Variants in LAMA2 observed in about 807,000 individuals in gnomAD.
LAMA2 encodes the protein laminin subunit alpha 2.
A neutral mutation model predicts 364.8 loss-of-function variants in LAMA2; 269 were observed. That is an observed-to-expected ratio of 0.74 (90% CI 0.67 to 0.82). The LOEUF (loss-of-function observed/expected upper bound fraction) is 0.82. LAMA2 is among the 40% of genes least tolerant of loss of function. LAMA2 has a pLI of 0.00. For missense variants in LAMA2, 3,807 were observed against 3,873.2 expected, an observed-to-expected ratio of 0.98 and a Z score of 0.45; for synonymous variants, 1,379 against 1,370.6, an observed-to-expected ratio of 1.01 and a Z score of -0.14.
intron 22 of LAMA2, among the ~76,000 whole-genome samples, chr6:129,304,981 C>T (rs1773776280): frequency 6.6e-6 from 1 of 152,002 alleles, no homozygotes; most frequent in South Asian, 2.1e-4. Flanking sequence ...GGTCAATTAT[C>T]CTTAACGGTT....
At chr6:129,494,932 G>A (rs1353218012) in intron 58 of LAMA2, among the ~76,000 whole-genome samples, 2 of 152,086 alleles carry the variant, frequency 1.3e-5, no homozygotes. Flanking sequence ...TTTGACCTTG[G>A]ATCCTAATGT....
intron 4 of LAMA2, among the ~76,000 whole-genome samples, chr6:129,112,379 T>C (rs1462919424): frequency 6.6e-6 from 1 of 151,896 alleles, no homozygotes; most frequent in Non-Finnish European, 1.5e-5. Context: ...AGATAAACTT[T>C]TGTGTTGAAT....
chr6:128,953,097 T>C (rs966242579), intron 1 of LAMA2, among the ~76,000 whole-genome samples: 72 of 152,332 alleles, frequency 4.7e-4, no homozygotes, highest in African/African-American at 1.7e-3. Context: ...GGCCCAACCA[T>C]GTAGGAACAC....
intron 17 of LAMA2, among the ~76,000 whole-genome samples, chr6:129,273,335 G>A (rs1394431537): frequency 1.3e-5 from 2 of 152,170 alleles, no homozygotes; most frequent in Non-Finnish European, 2.9e-5. Context: ...TTTGAGGAAA[G>A]CAGAAGTATT....
rs1215415314 is a variant in LAMA2, at chr6:129,291,715, T to C, written c.2851T>C (p.Cys951Arg). 1 of 1,608,960 alleles carries C rather than the reference T, an allele frequency of 6.2e-7. No individual in the cohort carries two copies. The highest frequency in any genetic ancestry group is 8.5e-7 in the Non-Finnish European group (1 of 1,175,346). Residue 951 changes from cysteine (C) to arginine (R), a missense_variant, in exon 20 of 65, where the codon TGC becomes CGC. By Grantham distance (180) the Cys-to-Arg change is radical (BLOSUM62 -3). Coordinates refer to ENST00000421865, the MANE Select transcript of LAMA2 (RefSeq NM_000426.4). ...CGTTCAGGGTCAGAGATGTGACAAA[T>C]GCAAGGTAAGGAGTAGAGGCTGACC... ...ANVQGQRCDKCKAGTFGLQSA... is the reference protein window; with the variant it reads ...ANVQGQRCDKRKAGTFGLQSA...
At chr6:129,437,817 C>T (rs1338305134) in intron 41 of LAMA2, among the ~76,000 whole-genome samples, 1 of 151,946 alleles carries the variant, frequency 6.6e-6, no homozygotes, top group African/African-American at 2.4e-5. Context: ...CTTATATCAA[C>T]AGATTGGATC....
chr6:129,226,126 T>C (rs1420407489), intron 12 of LAMA2, among the ~76,000 whole-genome samples: 4 of 152,156 alleles, frequency 2.6e-5, no homozygotes, highest in Non-Finnish European at 4.4e-5. Flanking sequence ...GTTGGTTTAA[T>C]GTCTGTTTTA....
intron 34 of LAMA2, among the ~76,000 whole-genome samples, chr6:129,375,895 G>A (rs1778349887): frequency 6.6e-6 from 1 of 152,062 alleles, no homozygotes. Context: ...TTATCCGCCA[G>A]TATATGCCCA....
At chr6:129,234,548 A>G (rs265366) in intron 12 of LAMA2, among the ~76,000 whole-genome samples, 142,380 of 152,166 alleles carry the variant, frequency 0.94, 66,909 homozygotes, top group Non-Finnish European at 0.98. Context: ...GAATTTTTTC[A>G]TAATAAGAAA....
chr6:129,214,576 GA>G (rs1348417760), intron 12 of LAMA2, among the ~76,000 whole-genome samples: 2 of 152,304 alleles, frequency 1.3e-5, no homozygotes, highest in African/African-American at 4.8e-5. Context: ...CTTTGTGAAA[GA>G]TCAGATGGCC....
chr6:128,905,449 T>A (rs1460481166), intron 1 of LAMA2: 2 of 152,116 alleles, frequency 1.3e-5, no homozygotes, highest in Non-Finnish European at 2.9e-5. Flanking sequence ...GTTTCAACTG[T>A]TCTTGAGATC....
At chr6:129,159,163 T>C (rs1779308815) in intron 8 of LAMA2, 9 of 1,461,710 alleles carry the variant, frequency 6.2e-6, no homozygotes, top group Non-Finnish European at 8.6e-6. Flanking sequence ...CCTTTAGTAA[T>C]TGGTCTTGCT....
intron 1 of LAMA2, among the ~76,000 whole-genome samples, chr6:128,965,979 G>GTTCTTTT (rs1781813031): frequency 8.9e-6 from 1 of 112,796 alleles, no homozygotes; most frequent in Non-Finnish European, 1.8e-5. Context: ...TAAACCAGAG[G>GTTCTTTT]TTTTTTTTTT....
chr6:128,931,709 T>C (rs1779491255), intron 1 of LAMA2, among the ~76,000 whole-genome samples: 1 of 152,216 alleles, frequency 6.6e-6, no homozygotes, highest in Non-Finnish European at 1.5e-5. Context: ...AATTATTTTT[T>C]CTAAGATCCA....
At chr6:129,292,430 T>C (rs1221517920) in intron 20 of LAMA2, among the ~76,000 whole-genome samples, 1 of 152,270 alleles carries the variant, frequency 6.6e-6, no homozygotes, top group Non-Finnish European at 1.5e-5. Flanking sequence ...AGCTACTTCC[T>C]GTGAGCAGTC....
At chr6:129,433,024 G>A (rs1251383941) in intron 41 of LAMA2, among the ~76,000 whole-genome samples, 1 of 152,158 alleles carries the variant, frequency 6.6e-6, no homozygotes, top group African/African-American at 2.4e-5. Context: ...AGTCATCTCT[G>A]AGGTTCCCAT....
At chr6:129,211,904 T>C (rs931727784) in intron 12 of LAMA2, among the ~76,000 whole-genome samples, 3 of 152,194 alleles carry the variant, frequency 2.0e-5, no homozygotes, top group Non-Finnish European at 2.9e-5. Flanking sequence ...AGCAGATTGC[T>C]TTGGAGACCT....
At chr6:129,035,496 C>T (rs186916934) in intron 1 of LAMA2, among the ~76,000 whole-genome samples, 22 of 147,834 alleles carry the variant, frequency 1.5e-4, no homozygotes, top group East Asian at 1.4e-3. Flanking sequence ...GCTGTGCAAA[C>T]GCCGTTTAGT....
intron 32 of LAMA2, among the ~76,000 whole-genome samples, chr6:129,364,977 A>G (rs1445337548): frequency 1.3e-5 from 2 of 152,136 alleles, no homozygotes; most frequent in East Asian, 3.8e-4. Flanking sequence ...GTCTTATGAG[A>G]ACTCTGTCAT....
Sources: allele counts gnomAD v4.1 joint callset (sites outside exome capture counted in the v4.1 genomes callset), GRCh38; gene constraint gnomAD v4.1.1; transcripts MANE v1.5; gene names NCBI Gene and HGNC (gene_info 2026-07-23, HGNC 2026-07-21).